Variants in IL17RE observed in about 807,000 individuals in gnomAD.
IL17RE encodes interleukin-17 receptor E.
Under a neutral mutation model 70.7 loss-of-function variants are expected in IL17RE, and 47 were observed. The observed-to-expected ratio is 0.67, with a 90% CI of 0.53 to 0.85. IL17RE has a LOEUF of 0.85. Ranked by LOEUF, IL17RE falls within the 40% of genes least tolerant of loss-of-function variation. The pLI is 0.00. For synonymous variants in IL17RE, 372 were observed against 381.2 expected, an observed-to-expected ratio of 0.98 and a Z score of 0.28; for missense variants, 850 against 893.9, an observed-to-expected ratio of 0.95 and a Z score of 0.63.
intron 8 of IL17RE, 34 bp from the exon 9 acceptor site, chr3:9,910,830 CT>C: frequency 1.9e-6 from 3 of 1,599,120 alleles, no homozygotes; most frequent in Non-Finnish European, 2.6e-6. Context: ...TGAAGCAGGG[CT>C]GACCCTCACC....
At chr3:9,907,126 A>T (rs1464592646) in intron 6 of IL17RE, 26 bp downstream of exon 6, 1 of 1,613,690 alleles carries the variant, frequency 6.2e-7, no homozygotes, top group Non-Finnish European at 8.5e-7. Context: ...CCCCTGTAAA[A>T]AGCCCGATCA....
Position 9,914,739 on chromosome 3 carries a change from G to A in IL17RE, c.1409G>A (p.Gly470Asp). ...CTGCTGGCCCTCCTCACCCTACTGG[G>A]TGTTGTTCTGGCCCTCACCTGCCGG... The part of the protein sequence containing the change: ...LALLALLTLL[G>D]VVLALTCRRP... Residue 470 changes from glycine (G) to aspartate (D), a missense_variant, in exon 15 of 16, where the codon GGT (glycine) becomes GAT (aspartate). Transcript: ENST00000383814. 6.2e-7 allele frequency: 1 copy of A among 1,614,050 alleles called. No homozygotes were observed. The highest frequency in any genetic ancestry group is 8.5e-7 in the Non-Finnish European group (1 of 1,180,020).
chr3:9,908,454 T>C (rs1303119298), intron 7 of IL17RE, 147 bp downstream of exon 7: 1 of 693,632 alleles, frequency 1.4e-6, no homozygotes, highest in South Asian at 1.7e-5. Context: ...CCAGCTTGGC[T>C]GTGAGCCACA....
intron 9 of IL17RE, 43 bp from the exon 10 acceptor site, chr3:9,911,084 C>T: frequency 1.2e-6 from 2 of 1,614,070 alleles, no homozygotes; most frequent in Non-Finnish European, 8.5e-7. Flanking sequence ...AGGGCTGGGG[C>T]CCAGGAATTT....
At chr3:9,907,514 A>G (rs2082787857) in intron 6 of IL17RE, among the ~76,000 whole-genome samples, 1 of 152,202 alleles carries the variant, frequency 6.6e-6, no homozygotes, top group African/African-American at 2.4e-5. Context: ...ATGAATGACC[A>G]TGAATGAGCA....
At chr3:9,914,840 T>A in intron 15 of IL17RE, 63 bp downstream of exon 15, 1 of 1,347,310 alleles carries the variant, frequency 7.4e-7, no homozygotes, top group South Asian at 1.2e-5. Context: ...AGCTGCCCCC[T>A]CACCCTCCCC....
At chr3:9,903,533 A>G in intron 2 of IL17RE, 121 bp downstream of exon 2, 1 of 1,103,508 alleles carries the variant, frequency 9.1e-7, no homozygotes, top group Non-Finnish European at 1.3e-6. Context: ...ATCAAGGAAA[A>G]ATTTGGAATC....
chr3:9,912,716 C>T (rs910449053), intron 12 of IL17RE, among the ~76,000 whole-genome samples: 1 of 152,178 alleles, frequency 6.6e-6, no homozygotes, highest in South Asian at 2.1e-4. Flanking sequence ...GTATGAAAGA[C>T]CAAGTCACGC....
Position 9,904,054 on chromosome 3 carries a change from C to G in IL17RE, c.171C>G (p.Cys57Trp), listed in dbSNP as rs558859018. 3.7e-6 allele frequency: 6 copies of G among 1,614,142 alleles called. No homozygotes were observed. The African/African-American group carries it at 6.7e-5, about 18-fold the overall frequency. ...SFTGSSAYIPCRTWWALFSTK... is the reference protein window; with the variant it reads ...SFTGSSAYIPWRTWWALFSTK... ...CAGGAAGTTCTGCCTATATCCCTTG[C>G]CGCACCTGGTGGGCCCTCTTCTCCA... The change falls in exon 3 of 16, where the codon TGC (cysteine) becomes TGG (tryptophan). Residue 57 changes from cysteine (C) to tryptophan (W), a missense_variant. Transcript: ENST00000383814.
rs1007917763 is a variant in IL17RE at position 9,903,069 on chromosome 3, G to A, written c.132+5G>A. The A allele has an allele frequency of 2.5e-6, 4 of 1,612,534 alleles. No individual in the cohort carries two copies. The highest frequency in any genetic ancestry group is 1.3e-5 in the African/African-American group (1 of 74,902). On this transcript the variant is annotated splice_donor_5th_base_variant and intron_variant, in intron 1 of 15. Transcript: ENST00000383814. ...TGTCCTCTGGCCTCCCACACGGTAAGGTGCTGCTGCCAGGTAGGGACACCT... is the reference window on the plus strand; with the variant it reads ...TGTCCTCTGGCCTCCCACACGGTAAAGTGCTGCTGCCAGGTAGGGACACCT...
At chr3:9,905,808 A>C (rs2082740077) in intron 3 of IL17RE, among the ~76,000 whole-genome samples, 1 of 151,212 alleles carries the variant, frequency 6.6e-6, no homozygotes, top group South Asian at 2.1e-4. Context: ...TGACAGAGCA[A>C]GGCTCCGTCT....
chr3:9,904,260 C>T (rs1023306600), intron 3 of IL17RE, 109 bp downstream of exon 3: 10 of 1,268,566 alleles, frequency 7.9e-6, no homozygotes, highest in African/African-American at 7.3e-5. Flanking sequence ...TTGTTTTAAC[C>T]TCAACTGGGA....
intron 12 of IL17RE, among the ~76,000 whole-genome samples, chr3:9,912,060 AG>A (rs1416792742): frequency 6.6e-6 from 1 of 152,230 alleles, no homozygotes; most frequent in South Asian, 2.1e-4. Context: ...AGGTAAGTGG[AG>A]GGTGAGCAAG....
intron 8 of IL17RE, 168 bp downstream of exon 8, chr3:9,909,451 A>C: frequency 1.6e-6 from 1 of 642,390 alleles, no homozygotes; most frequent in Non-Finnish European, 2.8e-6. Flanking sequence ...TGGGGGGAAA[A>C]GGGCTGCCAA....
Position 9,915,465 on chromosome 3 carries a change from T to C in IL17RE, c.1662T>C (p.Thr554=), listed in dbSNP as rs1026570305. The C allele has an allele frequency of 3.7e-6, 5 of 1,340,640 alleles. No individual in the cohort carries two copies. Among genetic ancestry groups the C allele is most frequent in the Non-Finnish European group, 4.7e-6 (5 of 1,054,598 alleles). 83.0% of individuals were successfully genotyped at this position (1,340,640 alleles called of 1,614,324 possible). The change falls in exon 16 of 16, where the codon ACT becomes ACC. Residue 554 remains threonine (T), a synonymous_variant. Transcript: ENST00000383814. The surrounding 1 kb of genome is among the most constrained non-coding windows in gnomAD (Gnocchi z 4.9). ...CGCGCGTAGCGCGGGAGCAGGGCAC[T>C]GTGCTGCTGCTGTGGAGCGGCGCCG... The part of the protein sequence containing the change: ...ARTRVAREQG[T]VLLLWSGADL...
rs2082697496 is a variant in IL17RE, at chr3:9,904,087, T to C, written c.204T>C (p.Pro68=). 1 of 1,614,198 alleles carries C rather than the reference T, an allele frequency of 6.2e-7. No homozygotes were observed. The highest frequency in any genetic ancestry group is 8.5e-7 in the Non-Finnish European group (1 of 1,180,028). The change falls in exon 3 of 16, where the codon CCT becomes CCC. Residue 68 remains proline (P), a synonymous_variant. Transcript: ENST00000383814. ...GGTGGGCCCTCTTCTCCACAAAGCC[T>C]TGGTGTGTGCGAGTCTGGCACTGTT... ...RTWWALFSTK[P]WCVRVWHCSR...
intron 2 of IL17RE, 34 bp downstream of exon 2, chr3:9,903,446 C>T: frequency 6.2e-7 from 1 of 1,612,982 alleles, no homozygotes; most frequent in Non-Finnish European, 8.5e-7. Flanking sequence ...TGCTCCTCCC[C>T]ACGCCCACTA....
intron 6 of IL17RE, among the ~76,000 whole-genome samples, 191 bp from the exon 7 acceptor site, chr3:9,908,048 T>C: frequency 6.6e-6 from 1 of 152,172 alleles, no homozygotes; most frequent in East Asian, 1.9e-4. Context: ...CAACTCCACC[T>C]AGAGCACCTA....
chr3:9,906,653 A>G (rs888542531), intron 4 of IL17RE, 53 bp from the exon 5 acceptor site: 2 of 1,603,332 alleles, frequency 1.2e-6, no homozygotes, highest in Admixed American at 3.4e-5. Context: ...GCAGAAACAG[A>G]AGCCAGGTTT....
Sources: gnomAD v4.1 joint callset for allele counts (sites outside exome capture counted in the v4.1 genomes callset) on GRCh38, gnomAD v4.1.1 for gene constraint, Gnocchi (gnomAD v3.1) non-coding constraint, MANE v1.5 for transcripts, NCBI Gene and HGNC (gene_info 2026-07-23, HGNC 2026-07-21) for gene names.